The following IRAG2 variants were observed in gnomAD, a reference collection of about 807,000 sequenced individuals.
IRAG2 encodes the protein lymphoid restricted membrane protein.
IRAG2 carries 45 observed loss-of-function variants against 69.9 expected under a neutral mutation model. The observed-to-expected ratio is 0.64, with a 90% confidence interval of 0.51 to 0.83. The LOEUF (loss-of-function observed/expected upper bound fraction) is 0.83. IRAG2 is among the 40% of genes least tolerant of loss of function. IRAG2 has a pLI of 0.00. For missense variants in IRAG2, 520 were observed against 587.0 expected, an observed-to-expected ratio of 0.89 and a Z score of 1.18; for synonymous variants, 193 against 202.4, an observed-to-expected ratio of 0.95 and a Z score of 0.40.
At chr12:25,020,644 C>T (rs1025295233) in intron 6 of IRAG2, 29 of 395,456 alleles carry the variant, frequency 7.3e-5, no homozygotes, top group Non-Finnish European at 1.3e-5. Flanking sequence ...ACTGAAAGAT[C>T]ATGGGTATAT....
intron 6 of IRAG2, among the ~76,000 whole-genome samples, chr12:25,075,373 A>G (rs1466614677): frequency 1.3e-5 from 2 of 152,198 alleles, no homozygotes. Flanking sequence ...AAGGTTTCTG[A>G]TCACAAAATC....
chr12:25,030,315 A>C, exon 10 of IRAG2: 1 of 1,231,694 alleles, frequency 8.1e-7, no homozygotes, highest in Non-Finnish European at 1.0e-6. Flanking sequence ...TTGCTTAATA[A>C]AGATACAAGT....
upstream of IRAG2, chr12:25,052,379 A>AG (rs761067314): frequency 2.8e-5 from 11 of 398,572 alleles, no homozygotes; most frequent in Non-Finnish European, 4.0e-5. Flanking sequence ...CATTAGATTC[A>AG]GGGGACATCT....
intron 1 of IRAG2, among the ~76,000 whole-genome samples, chr12:25,055,877 C>A (rs1945222269): frequency 6.6e-6 from 1 of 152,148 alleles, no homozygotes; most frequent in Non-Finnish European, 1.5e-5. Flanking sequence ...CTAATTGATA[C>A]AATCCAAAAC....
chr12:25,094,780 A>G (rs904541758), intron 14 of IRAG2, among the ~76,000 whole-genome samples: 1 of 151,960 alleles, frequency 6.6e-6, no homozygotes, highest in Non-Finnish European at 1.5e-5. Context: ...TTCGGTGTAC[A>G]TCTCTTTTAT....
chr12:25,074,690 G>A (rs570834993), intron 6 of IRAG2, among the ~76,000 whole-genome samples: 1 of 152,234 alleles, frequency 6.6e-6, no homozygotes, highest in African/African-American at 2.4e-5. Flanking sequence ...CAGCATGAAG[G>A]CCAGAGTATA....
intron 5 of IRAG2, among the ~76,000 whole-genome samples, chr12:25,016,180 A>C (rs993910517): frequency 6.9e-6 from 1 of 144,678 alleles, no homozygotes; most frequent in Non-Finnish European, 1.5e-5. Context: ...TGGGCGACAG[A>C]GCGAGACTCC....
chr12:25,075,040 T>C lies in IRAG2; in HGVS notation c.25-4204T>C, dbSNP rs185813864. Among the ~76,000 whole-genome samples the C allele has an allele frequency of 2.1e-3, 326 of 152,328 alleles. 1 individual carries two copies. Among genetic ancestry groups the C allele is most frequent in the African/African-American group, 7.4e-3 (306 of 41,572 alleles). On this transcript the variant is annotated intron_variant, in intron 6 of 21. Transcript: ENST00000556887. ...AGTTGACTGATAACTATATTATAAA[T>C]GAACCTGAAAGTGGTGGGTGTAACC...
Position 25,096,998 on chromosome 12 carries a change from C to A in IRAG2, c.695C>A (p.Ala232Glu). 1 of 1,613,450 alleles carries A rather than the reference C, an allele frequency of 6.2e-7. No homozygotes were observed. Among genetic ancestry groups the A allele is most frequent in the Non-Finnish European group, 8.5e-7 (1 of 1,179,648 alleles). Residue 232 changes from alanine to glutamate, a missense_variant, in exon 15 of 22, where the codon GCA (alanine) becomes GAA (glutamate). By Grantham distance (107) the Ala-to-Glu change is moderately radical (BLOSUM62 -1). Transcript: ENST00000556887. ...AGTATAAAGTTTCTTAGCCAGTGTG[C>A]AGCACGAGTGGCCAGTAGGGCTGAG... ...EKSIKFLSQC[A>E]ARVASRAEML...
chr12:25,033,885 A>G (rs542592987), exon 13 of IRAG2: 1 of 399,008 alleles, frequency 2.5e-6, no homozygotes, highest in Admixed American at 4.4e-5. Flanking sequence ...AGAGTGTAAC[A>G]GTATCATCTC....
upstream of IRAG2, among the ~76,000 whole-genome samples, chr12:25,002,074 T>A (rs1438744757): frequency 6.6e-6 from 1 of 152,188 alleles, no homozygotes; most frequent in Non-Finnish European, 1.5e-5. Flanking sequence ...AACTACTGTT[T>A]TATAAGGCTC....
intron 16 of IRAG2, among the ~76,000 whole-genome samples, chr12:25,044,490 AT>A (rs36121862): frequency 0.38 from 58,164 of 151,922 alleles, 11,510 homozygotes; most frequent in South Asian, 0.49. Context: ...AACATATTAA[AT>A]TTTAAAAAGC....
intron 3 of IRAG2, among the ~76,000 whole-genome samples, chr12:25,013,056 ACT>A (rs1311516749): frequency 4.6e-5 from 7 of 152,196 alleles, no homozygotes; most frequent in Non-Finnish European, 5.9e-5. Context: ...TTAAAAAATG[ACT>A]CTAGCCCATG....
At chr12:25,002,745 G>A (rs1826893), upstream of IRAG2, among the ~76,000 whole-genome samples, 2 of 151,720 alleles carry the variant, frequency 1.3e-5, no homozygotes, top group Middle Eastern at 3.4e-3. Flanking sequence ...ATGTTGAAGC[G>A]ATTCTCCTGC....
intron 10 of IRAG2, among the ~76,000 whole-genome samples, chr12:25,083,905 C>T (rs1693361): frequency 1 from 152,107 of 152,372 alleles, 75,921 homozygotes; most frequent in Middle Eastern, 1. Flanking sequence ...AACAGATAAT[C>T]ACTGAATAAT....
rs774018161 is a variant in IRAG2, at chr12:25,079,504, T to C, written c.136+42T>C. On this transcript the variant is annotated intron_variant, in intron 8 of 21. Transcript: ENST00000556887. Reference sequence around the variant, plus strand: ...ATAATATTAAAATAGACTGTTAGTATTACAGCTTTCAGCCTGATGTTCTGT... The same window carrying C: ...ATAATATTAAAATAGACTGTTAGTACTACAGCTTTCAGCCTGATGTTCTGT... The C allele has an allele frequency of 3.2e-6, 5 of 1,547,812 alleles. No homozygotes were observed. In the Admixed American group the frequency reaches 8.3e-5, roughly 26 times the overall value.
intron 12 of IRAG2, among the ~76,000 whole-genome samples, chr12:25,033,532 A>C (rs1210007448): frequency 6.6e-6 from 1 of 152,226 alleles, no homozygotes; most frequent in Non-Finnish European, 1.5e-5. Flanking sequence ...GTATGGACCT[A>C]ATCTGGCCAC....
the IRAG2 span, among the ~76,000 whole-genome samples, chr12:24,997,998 T>G: frequency 6.6e-6 from 1 of 152,212 alleles, no homozygotes; most frequent in Non-Finnish European, 1.5e-5. Context: ...CTTGGTCGTT[T>G]GGAATGTGTG....
chr12:25,005,295 G>T, exon 2 of IRAG2: 2 of 1,231,580 alleles, frequency 1.6e-6, no homozygotes, highest in Non-Finnish European at 2.0e-6. Context: ...AGCATCAACA[G>T]GGCCTGTAAA....
Sources: allele counts gnomAD v4.1 joint callset (sites outside exome capture counted in the v4.1 genomes callset), GRCh38; gene constraint gnomAD v4.1.1; transcripts MANE v1.5; gene names NCBI Gene and HGNC (gene_info 2026-07-23, HGNC 2026-07-21).